The following NKAIN1 variants were observed in gnomAD, a reference collection of about 807,000 sequenced individuals.
NKAIN1 encodes sodium/potassium-transporting ATPase subunit beta-1-interacting protein 1.
NKAIN1 carries 13 observed loss-of-function variants against 31.6 expected under a neutral mutation model. The ratio of observed to expected loss-of-function variants is 0.41; its 90% confidence interval spans 0.27 to 0.65. The LOEUF is 0.65. Ranked by LOEUF, NKAIN1 falls within the 30% of genes least tolerant of loss-of-function variation. The pLI is 0.30. For missense variants in NKAIN1, 193 were observed against 262.2 expected (o/e 0.74, Z 1.82); for synonymous variants, 104 against 109.0 (o/e 0.95, Z 0.28).
intron 1 of NKAIN1, among the ~76,000 whole-genome samples, chr1:31,200,559 G>A (rs1168976526): frequency 1.3e-5 from 2 of 148,890 alleles, no homozygotes; most frequent in African/African-American, 2.5e-5. Flanking sequence ...CTGGGATCAA[G>A]TGATCTTCCC....
intron 1 of NKAIN1, among the ~76,000 whole-genome samples, chr1:31,213,262 A>T (rs1374623307): frequency 6.6e-6 from 1 of 152,198 alleles, no homozygotes; most frequent in Admixed American, 6.5e-5. Flanking sequence ...AAATAACCCA[A>T]TTAAAAATGG....
intron 1 of NKAIN1, among the ~76,000 whole-genome samples, chr1:31,207,210 C>T (rs530100343): frequency 6.6e-6 from 1 of 152,312 alleles, no homozygotes; most frequent in South Asian, 2.1e-4. Flanking sequence ...GGGTTTGAAT[C>T]CTACCTTTAA....
rs1377493643 is a variant in NKAIN1 at position 31,180,030 on chromosome 1, G to T, written c.*1673C>A. ...CTCTCAAGCTGTACCCACCAGCTGG[G>T]AGCTCCATGCCTGTGGGGGCCAGAG... On this transcript the variant is annotated 3_prime_UTR_variant, in exon 7 of 7. Transcript: ENST00000373736. 1 of 152,348 alleles carries T rather than the reference G, an allele frequency of 6.6e-6. No individual in the cohort carries two copies. The highest frequency in any genetic ancestry group is 1.5e-5 in the Non-Finnish European group (1 of 68,164). 9.4% of individuals were successfully genotyped at this position (152,348 alleles called of 1,614,324 possible). A position where few individuals can be genotyped will look rare whatever the true frequency, so the allele number is the denominator to read the frequency against.
At chr1:31,218,018 TTCTTTC>T (rs1553163601) in intron 1 of NKAIN1, among the ~76,000 whole-genome samples, 2 of 72,018 alleles carry the variant, frequency 2.8e-5, no homozygotes, top group African/African-American at 1.6e-4. Flanking sequence ...AGCTACCATT[TTCTTTC>T]TTTCTTTCTT....
rs771791014 is a variant in NKAIN1, at chr1:31,182,623, G to A, written c.472-33C>T. ...TGGAGATGACACGTCAGGGAGGAAGGAGGAGTGGGAACCTCTTCCTCCGCC... is the reference window on the plus strand; with the variant it reads ...TGGAGATGACACGTCAGGGAGGAAGAAGGAGTGGGAACCTCTTCCTCCGCC... On this transcript the variant is annotated intron_variant, in intron 4 of 6. Coordinates refer to ENST00000373736, the MANE Select transcript of NKAIN1 (RefSeq NM_024522.3). The A allele has an allele frequency of 6.8e-6, 11 of 1,612,834 alleles. No homozygotes were observed. The East Asian group carries it at 2.2e-4, about 33-fold the overall frequency.
chr1:31,232,420 T>G lies in NKAIN1; in HGVS notation c.54+7074A>C, dbSNP rs1356872558. Among the ~76,000 whole-genome samples the G allele has an allele frequency of 8.6e-3, 258 of 30,036 alleles. 15 individuals carry two copies. Among genetic ancestry groups the G allele is most frequent in the African/African-American group, 0.025 (238 of 9,386 alleles). 19.7% of individuals were successfully genotyped at this position (30,036 alleles called of 152,430 possible). Reference sequence around the variant, plus strand: ...TCATATATATATATATATATATATATATATAGAGAGAGAGAGAGAGAGAGA... The same window carrying G: ...TCATATATATATATATATATATATAGATATAGAGAGAGAGAGAGAGAGAGA... On this transcript the variant is annotated intron_variant, in intron 1 of 6. Transcript: ENST00000373736.
At chr1:31,195,152 C>T (rs1215707916) in intron 1 of NKAIN1, among the ~76,000 whole-genome samples, 3 of 133,038 alleles carry the variant, frequency 2.3e-5, no homozygotes, top group Non-Finnish European at 4.7e-5. Flanking sequence ...GAGTCTCGCT[C>T]TGTTGCCCAG....
chr1:31,209,839 T>C (rs538609268), intron 1 of NKAIN1, among the ~76,000 whole-genome samples: 1 of 151,548 alleles, frequency 6.6e-6, no homozygotes, highest in Non-Finnish European at 1.5e-5. Flanking sequence ...AAAAAAAAGT[T>C]AGCCAGGTGT....
Position 31,181,242 on chromosome 1 carries a change from C to T in NKAIN1, c.*461G>A, listed in dbSNP as rs148130879. On this transcript the variant is annotated 3_prime_UTR_variant, in exon 7 of 7. Coordinates refer to ENST00000373736, the MANE Select transcript of NKAIN1 (RefSeq NM_024522.3). ...GACGTCACAGTCAGTGATGGACCTG[C>T]GATTAGAACCCAGGAATCCTGCTCC... 8.5e-4 allele frequency: 139 copies of T among 163,524 alleles called. No homozygotes were observed. The highest frequency in any genetic ancestry group is 5.6e-3 in the Middle Eastern group (2 of 358). The allele number at this position is 163,524 out of a possible 1,614,324, so 10.1% of individuals were successfully genotyped here. A position where few individuals can be genotyped will look rare whatever the true frequency, so the allele number is the denominator to read the frequency against.
intron 1 of NKAIN1, among the ~76,000 whole-genome samples, chr1:31,223,871 T>G (rs965321141): frequency 6.6e-6 from 1 of 152,246 alleles, no homozygotes; most frequent in Admixed American, 6.5e-5. Flanking sequence ...TACAATCTGC[T>G]GAACGAATGT....
At chr1:31,205,114 C>T (rs956045700) in intron 1 of NKAIN1, among the ~76,000 whole-genome samples, 1 of 152,044 alleles carries the variant, frequency 6.6e-6, no homozygotes, top group East Asian at 1.9e-4. Flanking sequence ...TGTAACTGTT[C>T]AATAAATTAT....
intron 1 of NKAIN1, among the ~76,000 whole-genome samples, chr1:31,221,448 A>T (rs533460624): frequency 1.2e-4 from 19 of 152,172 alleles, no homozygotes; most frequent in Admixed American, 5.2e-4. Flanking sequence ...ATATATATAT[A>T]TTTTTTGAGA....
intron 1 of NKAIN1, among the ~76,000 whole-genome samples, chr1:31,190,660 G>A (rs1645278102): frequency 6.6e-6 from 1 of 152,182 alleles, no homozygotes; most frequent in African/African-American, 2.4e-5. Context: ...CCTCTTCCAT[G>A]CATGGAAGTC....
chr1:31,212,773 G>A (rs546869427), intron 1 of NKAIN1, among the ~76,000 whole-genome samples: 7 of 152,058 alleles, frequency 4.6e-5, no homozygotes, highest in Non-Finnish European at 7.4e-5. Context: ...GGCCGAGGTG[G>A]GCGGATCACA....
intron 1 of NKAIN1, among the ~76,000 whole-genome samples, chr1:31,224,402 G>A (rs962511407): frequency 1.3e-5 from 2 of 152,146 alleles, no homozygotes; most frequent in African/African-American, 4.8e-5. Context: ...GTGCAGTTTC[G>A]AATACAGATG....
At chr1:31,214,734 G>A (rs1172054872) in intron 1 of NKAIN1, among the ~76,000 whole-genome samples, 1 of 152,220 alleles carries the variant, frequency 6.6e-6, no homozygotes, top group Non-Finnish European at 1.5e-5. Context: ...AGGAAAGGGA[G>A]GGAGAATCAG....
intron 1 of NKAIN1, among the ~76,000 whole-genome samples, chr1:31,230,906 G>C (rs997667019): frequency 2.9e-5 from 4 of 137,704 alleles, no homozygotes; most frequent in Admixed American, 7.5e-5. Context: ...TTTTGAGACG[G>C]AGTTTTGCTC....
intron 1 of NKAIN1, among the ~76,000 whole-genome samples, chr1:31,195,018 G>A (rs988438860): frequency 1.3e-5 from 2 of 150,950 alleles, no homozygotes; most frequent in African/African-American, 2.4e-5. Flanking sequence ...TAAGCCACCC[G>A]CCGCAGCCTC....
chr1:31,197,311 T>C (rs113925864), intron 1 of NKAIN1, among the ~76,000 whole-genome samples: 6,875 of 151,600 alleles, frequency 0.045, 528 homozygotes, highest in African/African-American at 0.16. Context: ...CGGGGTTTCA[T>C]CGTGTTAGCC....
Sources: allele counts gnomAD v4.1 joint callset (sites outside exome capture counted in the v4.1 genomes callset), GRCh38; gene constraint gnomAD v4.1.1; transcripts MANE v1.5; gene names NCBI Gene and HGNC (gene_info 2026-07-23, HGNC 2026-07-21).